TOP6BL: variants seen among roughly 807,000 people sequenced by gnomAD.
TOP6BL encodes type 2 DNA topoisomerase 6 subunit B-like.
At chr11:66,768,044 G>A in the TOP6BL span, among the ~76,000 whole-genome samples, 1 of 152,070 alleles carries the variant, frequency 6.6e-6, no homozygotes, top group South Asian at 2.1e-4. Flanking sequence ...CTCCCACCTT[G>A]GCCTCTCAAA....
At chr11:66,745,677 G>A in the TOP6BL span, among the ~76,000 whole-genome samples, 1 of 152,258 alleles carries the variant, frequency 6.6e-6, no homozygotes, top group Non-Finnish European at 1.5e-5. Context: ...ATCAAAGAAG[G>A]CGGCGGGATT....
the TOP6BL span, among the ~76,000 whole-genome samples, chr11:66,840,329 A>G: frequency 2.6e-5 from 4 of 152,246 alleles, no homozygotes; most frequent in South Asian, 8.3e-4. Flanking sequence ...CTCTTTTCTC[A>G]GTAAACTCAC....
the TOP6BL span, chr11:66,843,065 T>A: frequency 3.8e-6 from 6 of 1,572,638 alleles, no homozygotes; most frequent in Middle Eastern, 6.0e-4. Context: ...GGAAGCCGCC[T>A]GGAGGTAACT....
chr11:66,833,879 C>A, the TOP6BL span, among the ~76,000 whole-genome samples: 35 of 151,496 alleles, frequency 2.3e-4, no homozygotes, highest in Admixed American at 1.2e-3. Context: ...ATCTAGGGGG[C>A]GGAGGTTGCA....
the TOP6BL span, among the ~76,000 whole-genome samples, chr11:66,820,453 G>A: frequency 6.6e-6 from 1 of 152,174 alleles, no homozygotes; most frequent in East Asian, 1.9e-4. Flanking sequence ...GCTGCATCGG[G>A]ATCATTAAAT....
chr11:66,759,709 G>A, the TOP6BL span, among the ~76,000 whole-genome samples: 6 of 152,192 alleles, frequency 3.9e-5, no homozygotes, highest in African/African-American at 1.2e-4. Flanking sequence ...TCAGCCTTCC[G>A]AGTAGCTGGG....
the TOP6BL span, among the ~76,000 whole-genome samples, chr11:66,811,629 A>G: frequency 2.6e-5 from 4 of 152,238 alleles, no homozygotes; most frequent in Non-Finnish European, 5.9e-5. Context: ...GTGGAAGTAT[A>G]TTGTTGGATT....
the TOP6BL span, among the ~76,000 whole-genome samples, chr11:66,777,857 G>A: frequency 2.9e-4 from 44 of 152,082 alleles, no homozygotes; most frequent in Non-Finnish European, 5.6e-4. Context: ...GGGCATCAAA[G>A]CAAGACTCCA....
the TOP6BL span, among the ~76,000 whole-genome samples, chr11:66,751,517 T>A: frequency 6.4e-4 from 97 of 150,812 alleles, no homozygotes; most frequent in Non-Finnish European, 1.1e-3. Flanking sequence ...TTTTTTTTTT[T>A]ATAGAGATGA....
the TOP6BL span, among the ~76,000 whole-genome samples, chr11:66,818,002 A>G: frequency 1.4e-4 from 21 of 152,280 alleles, no homozygotes; most frequent in African/African-American, 5.1e-4. Flanking sequence ...AGTGGAGCTT[A>G]TACAAATTTG....
the TOP6BL span, among the ~76,000 whole-genome samples, chr11:66,806,674 A>G: frequency 2.0e-5 from 3 of 152,192 alleles, no homozygotes; most frequent in Non-Finnish European, 4.4e-5. Flanking sequence ...AGACTGAGAC[A>G]GGAGAATTAC....
chr11:66,811,142 A>G, the TOP6BL span, among the ~76,000 whole-genome samples: 1 of 151,904 alleles, frequency 6.6e-6, no homozygotes, highest in African/African-American at 2.4e-5. Flanking sequence ...TGTGTGTGAC[A>G]TATCTTGCTA....
the TOP6BL span, among the ~76,000 whole-genome samples, chr11:66,818,130 G>A: frequency 1.3e-5 from 2 of 152,098 alleles, no homozygotes; most frequent in African/African-American, 4.8e-5. Flanking sequence ...GCTATTTGGT[G>A]TGGCCCTGCT....
At chr11:66,762,420 T>C in the TOP6BL span, 3 of 324,468 alleles carry the variant, frequency 9.2e-6, no homozygotes, top group South Asian at 5.5e-5. Flanking sequence ...ACTGCGAACA[T>C]GTGCGGATGC....
chr11:66,818,221 AC>A, the TOP6BL span, among the ~76,000 whole-genome samples: 1 of 152,212 alleles, frequency 6.6e-6, no homozygotes, highest in South Asian at 2.1e-4. Context: ...TATTTATTGA[AC>A]AAACCATTGT....
chr11:66,801,829 C>CA, the TOP6BL span, among the ~76,000 whole-genome samples: 4 of 150,622 alleles, frequency 2.7e-5, no homozygotes, highest in African/African-American at 7.3e-5. Flanking sequence ...GACTCTGTCT[C>CA]AAAAAAAATA....
the TOP6BL span, among the ~76,000 whole-genome samples, chr11:66,797,855 A>G: frequency 1.3e-5 from 2 of 152,204 alleles, no homozygotes; most frequent in African/African-American, 2.4e-5. Flanking sequence ...TAAATTTTTT[A>G]TTATCTGTAG....
the TOP6BL span, chr11:66,843,428 A>G: frequency 7.2e-7 from 1 of 1,391,594 alleles, no homozygotes; most frequent in Non-Finnish European, 9.2e-7. Context: ...GGACTGCGTC[A>G]CTGGTGCGCG....
At chr11:66,801,143 T>G in the TOP6BL span, 2 of 1,580,546 alleles carry the variant, frequency 1.3e-6, no homozygotes, top group Non-Finnish European at 1.7e-6. Flanking sequence ...CATGTTTTAC[T>G]CTCCTCTCGA....
Sources: gnomAD v4.1 joint callset for allele counts (sites outside exome capture counted in the v4.1 genomes callset) on GRCh38, gnomAD v4.1.1 for gene constraint, MANE v1.5 for transcripts, NCBI Gene and HGNC (gene_info 2026-07-23, HGNC 2026-07-21) for gene names.